The following DKC1 variants were observed in gnomAD, a reference collection of about 807,000 sequenced individuals.
DKC1 encodes the protein dyskerin pseudouridine synthase 1.
Under a neutral mutation model 46.7 loss-of-function variants are expected in DKC1, and 4 were observed. The observed-to-expected ratio is 0.09, with a 90% confidence interval of 0.04 to 0.20. DKC1 has a LOEUF of 0.20. Among genes scored for constraint, DKC1 ranks in the 10% least tolerant of loss-of-function variants. DKC1 has a pLI of 1.00. For synonymous variants in DKC1, 141 were observed against 142.4 expected (o/e 0.99, Z 0.07); for missense variants, 171 against 404.2 (o/e 0.42, Z 4.95).
At chrX:154,768,111 A>C (rs1284252624) in intron 7 of DKC1, 191 bp from the exon 8 acceptor site, 1 of 495,040 alleles carries the variant, frequency 2.0e-6, no homozygotes, top group Non-Finnish European at 3.5e-6. Context: ...CTGCCTCCCA[A>C]AGTGCTGGAA....
rs1226288233 is a variant in DKC1, at chrX:154,767,435, C to G, written c.640+53C>G. Reference sequence around the variant, plus strand: ...TGAACACATTCTTCAGGATTCTGTTCTCTTATTAAAAGTAGATGCCCTTGA... The same window carrying G: ...TGAACACATTCTTCAGGATTCTGTTGTCTTATTAAAAGTAGATGCCCTTGA... On this transcript the variant is annotated intron_variant, in intron 7 of 14. Transcript: ENST00000369550. 2.5e-6 allele frequency: 3 copies of G among 1,193,715 alleles called. No individual in the cohort carries two copies. In the African/African-American group the frequency reaches 5.3e-5, roughly 21 times the overall value.
intron 10 of DKC1, among the ~76,000 whole-genome samples, chrX:154,771,485 A>ATTTT (rs58087354): frequency 1.0e-5 from 1 of 95,896 alleles, no homozygotes; most frequent in African/African-American, 3.8e-5. Flanking sequence ...GCCGGGCCTG[A>ATTTT]TTTTTTTTTT....
At chrX:154,774,922 G>A in intron 12 of DKC1, 1 of 571,519 alleles carries the variant, frequency 1.7e-6, no homozygotes, top group Admixed American at 2.2e-5. Context: ...CTTGCTAAAT[G>A]CAGGACCACA....
intron 1 of DKC1, among the ~76,000 whole-genome samples, 196 bp from the exon 2 acceptor site, chrX:154,764,703 T>A (rs2071724295): frequency 9.0e-6 from 1 of 111,689 alleles, no homozygotes; most frequent in Non-Finnish European, 1.9e-5. Context: ...GAGATAGGAA[T>A]TTTTCAGCTC....
intron 13 of DKC1, among the ~76,000 whole-genome samples, chrX:154,775,634 G>C (rs1557265609): frequency 1.8e-5 from 2 of 112,254 alleles, no homozygotes; most frequent in African/African-American, 6.5e-5. Context: ...GTTGAAATCA[G>C]AGGCCATGGC....
rs782248820 is a variant in DKC1 at position 154,775,143 on chromosome X, C to T, written c.1260-52C>T. The T allele has an allele frequency of 5.5e-6, 6 of 1,092,790 alleles. No individual in the cohort carries two copies. In the African/African-American group the frequency reaches 9.1e-5, roughly 16 times the overall value. 90.1% of individuals were successfully genotyped at this position (1,092,790 alleles called of 1,213,427 possible). A position where few individuals can be genotyped will look rare whatever the true frequency, so the allele number is the denominator to read the frequency against. On this transcript the variant is annotated intron_variant, in intron 12 of 14. Coordinates refer to ENST00000369550, the MANE Select transcript of DKC1 (RefSeq NM_001363.5). ...CAGATAACACTACATAACATCAGTACTGCCCTGGAAAGCCATTCAGTGAAT... is the reference window on the plus strand; with the variant it reads ...CAGATAACACTACATAACATCAGTATTGCCCTGGAAAGCCATTCAGTGAAT...
In DKC1 at chrX:154,770,812, T is replaced by C. The variant is rs2148513634; in HGVS notation, c.969T>C (p.Tyr323=). 10 of 1,211,410 alleles carry C rather than the reference T, an allele frequency of 8.3e-6. No individual in the cohort carries two copies. The highest frequency in any genetic ancestry group is 5.3e-5 in the South Asian group (3 of 57,014). ...AKIMLPGVLR[Y]EDGIEVNQEI... ...TTATGCTTCCAGGTGTTCTTCGATA[T>C]GAGGACGGCATTGAGGTCAATCAGG... Residue 323 remains tyrosine (Y), a synonymous_variant, in exon 10 of 15, where the codon TAT becomes TAC. Coordinates refer to ENST00000369550, the MANE Select transcript of DKC1 (RefSeq NM_001363.5).
At chrX:154,764,226 T>C (rs2071718208) in intron 1 of DKC1, among the ~76,000 whole-genome samples, 1 of 108,111 alleles carries the variant, frequency 9.2e-6, no homozygotes, top group South Asian at 3.8e-4. Flanking sequence ...GTATGTATTA[T>C]ATGTATGTAT....
intron 10 of DKC1, among the ~76,000 whole-genome samples, chrX:154,771,096 A>G (rs2071818022): frequency 9.1e-6 from 1 of 110,085 alleles, no homozygotes; most frequent in Non-Finnish European, 1.9e-5. Flanking sequence ...TTTAAAATAT[A>G]CACTTAAGTT....
chrX:154,770,836 G>T lies in DKC1; in HGVS notation c.993G>T (p.Gln331His). Residue 331 changes from glutamine to histidine, a missense_variant, in exon 10 of 15, where the codon CAG (glutamine) becomes CAT (histidine). Gln to His is a conservative substitution (Grantham distance 24). This residue lies in a region of DKC1 where 60 missense variants were observed against 206.5 expected (regional missense o/e 0.29). Coordinates refer to ENST00000369550, the MANE Select transcript of DKC1 (RefSeq NM_001363.5). ...LRYEDGIEVNQEIVVITTKGE... is the reference protein window; with the variant it reads ...LRYEDGIEVNHEIVVITTKGE... ...ATGAGGACGGCATTGAGGTCAATCA[G>T]GAGATTGTGGTTATCACCACCAAAG... The T allele has an allele frequency of 8.3e-7, 1 of 1,211,512 alleles. No individual in the cohort carries two copies. Among genetic ancestry groups the T allele is most frequent in the Non-Finnish European group, 1.1e-6 (1 of 895,036 alleles).
rs782375379 is a variant in DKC1, at chrX:154,775,429, G to A, written c.1338+156G>A. The A allele has an allele frequency of 1.1e-3, 644 of 566,545 alleles. 8 individuals are homozygous for A. The Middle Eastern group carries it at 0.042, about 37-fold the overall frequency. 46.7% of individuals were successfully genotyped at this position (566,545 alleles called of 1,213,427 possible). The stretch of plus-strand genomic sequence containing the variant: ...ACAGGTAATGCTGCCTCATACCCTG[G>A]GGTGCTTGTTTGGGCTCTGCAGGCT... On this transcript the variant is annotated intron_variant, in intron 13 of 14. Coordinates refer to ENST00000369550, the MANE Select transcript of DKC1 (RefSeq NM_001363.5).
At position 154,766,989 on chromosome X, in the gene DKC1, T is replaced by C. The variant is rs2071753974; in HGVS notation, c.449-8T>C. ...GCCACACCTGACTACTCTTTTGTCA[T>C]TTTTCAGGCAAAGAGTATGTGGGGA... On this transcript the variant is annotated splice_polypyrimidine_tract_variant and splice_region_variant and intron_variant, in intron 5 of 14. Transcript: ENST00000369550. 8.3e-7 allele frequency: 1 copy of C among 1,207,762 alleles called. No individual in the cohort carries two copies. The highest frequency in any genetic ancestry group is 1.1e-6 in the Non-Finnish European group (1 of 893,089).
chrX:154,764,057 A>T (rs1255826210), intron 1 of DKC1, among the ~76,000 whole-genome samples: 1 of 108,826 alleles, frequency 9.2e-6, no homozygotes, highest in Non-Finnish European at 1.9e-5. Context: ...GCTACTCGGG[A>T]GGCTGAGGCA....
In DKC1 at chrX:154,770,779, G is replaced by A. The variant is rs781940690; in HGVS notation, c.936G>A (p.Gly312=). 1.2e-5 allele frequency: 15 copies of A among 1,209,704 alleles called. No homozygotes were observed. Among genetic ancestry groups the A allele is most frequent in the African/African-American group, 3.5e-5 (2 of 57,081 alleles). Residue 312 remains glycine (G), a synonymous_variant, in exon 10 of 15, where the codon GGG becomes GGA. Transcript: ENST00000369550. ...KDSAVNAICY[G]AKIMLPGVLR... is the part of the protein sequence containing the mutation. Reference sequence around the variant, plus strand: ...TGCAGGTAAATGCCATCTGCTATGGGGCCAAGATTATGCTTCCAGGTGTTC... The same window carrying A: ...TGCAGGTAAATGCCATCTGCTATGGAGCCAAGATTATGCTTCCAGGTGTTC...
intron 14 of DKC1, 87 bp downstream of exon 14, chrX:154,776,411 C>T (rs2071897048): frequency 4.5e-6 from 5 of 1,112,496 alleles, no homozygotes; most frequent in Admixed American, 2.6e-5. Flanking sequence ...CTTTGTTACT[C>T]TTCTTGGAGG....
intron 13 of DKC1, 62 bp from the exon 14 acceptor site, chrX:154,776,124 AC>A: frequency 8.4e-7 from 1 of 1,194,038 alleles, no homozygotes; most frequent in Non-Finnish European, 1.1e-6. Flanking sequence ...CTTTTGACTC[AC>A]TGAACCTTTC....
intron 4 of DKC1, 36 bp from the exon 5 acceptor site, chrX:154,766,180 T>C (rs782724537): frequency 8.5e-7 from 1 of 1,171,785 alleles, no homozygotes; most frequent in Admixed American, 2.2e-5. Flanking sequence ...GCATTAAGAG[T>C]GGGTGATACA....
Position 154,777,149 on chromosome X carries a change from C to T in DKC1, c.*282C>T, listed in dbSNP as rs929322353. ...CTCACCTTCAGACCCAGTAACTGTCCGCAGCTGTCTGCTAGTGGTTGTCTT... is the reference window on the plus strand; with the variant it reads ...CTCACCTTCAGACCCAGTAACTGTCTGCAGCTGTCTGCTAGTGGTTGTCTT... On this transcript the variant is annotated 3_prime_UTR_variant, in exon 15 of 15. Transcript: ENST00000369550. 1.5e-5 allele frequency: 4 copies of T among 261,610 alleles called. No individual in the cohort carries two copies. The highest frequency in any genetic ancestry group is 8.0e-5 in the East Asian group (1 of 12,505). The allele number at this position is 261,610 out of a possible 1,213,427, so 21.6% of individuals were successfully genotyped here.
chrX:154,775,029 C>T (rs782399659), intron 12 of DKC1, 166 bp from the exon 13 acceptor site: 5 of 600,732 alleles, frequency 8.3e-6, no homozygotes, highest in South Asian at 2.2e-5. Flanking sequence ...TAGTCTGGCT[C>T]GTGGGACTCT....
Sources: allele counts gnomAD v4.1 joint callset (sites outside exome capture counted in the v4.1 genomes callset), GRCh38; gene constraint gnomAD v4.1.1; regional missense constraint gnomAD v4.1.1; transcripts MANE v1.5; gene names NCBI Gene and HGNC (gene_info 2026-07-23, HGNC 2026-07-21).